Variants in SVIL observed in about 807,000 individuals in gnomAD.
SVIL encodes supervillin, also known as archvillin.
A neutral mutation model predicts 240.4 loss-of-function variants in SVIL; 101 were observed. The observed-to-expected ratio is 0.42, with a 90% CI of 0.36 to 0.50. The LOEUF is 0.50. SVIL is among the 20% of genes least tolerant of loss of function. SVIL has a pLI of 0.01. For missense variants in SVIL, 2,512 were observed against 2,818.7 expected, an observed-to-expected ratio of 0.89 and a Z score of 2.46; for synonymous variants, 999 against 1,100.0, an observed-to-expected ratio of 0.91 and a Z score of 1.82.
chr10:29,490,138 G>A (rs1947807781), intron 22 of SVIL, among the ~76,000 whole-genome samples: 1 of 151,938 alleles, frequency 6.6e-6, no homozygotes. Context: ...TCCATTCATC[G>A]CCCCTGCCAG....
At chr10:29,626,067 T>A (rs1957853061) in intron 1 of SVIL, among the ~76,000 whole-genome samples, 1 of 152,150 alleles carries the variant, frequency 6.6e-6, no homozygotes, top group Non-Finnish European at 1.5e-5. Flanking sequence ...AAGACATTGG[T>A]CAAAGGATGC....
At chr10:29,460,518 A>G (rs147239437) in intron 36 of SVIL, among the ~76,000 whole-genome samples, 53 of 152,312 alleles carry the variant, frequency 3.5e-4, no homozygotes, top group African/African-American at 1.1e-3. Flanking sequence ...TTTCTTTGGA[A>G]TAAACGTCGA....
intron 1 of SVIL, among the ~76,000 whole-genome samples, chr10:29,628,282 GTTTGT>G (rs931533673): frequency 1.3e-5 from 2 of 152,136 alleles, no homozygotes; most frequent in Admixed American, 6.5e-5. Context: ...GGAGCGGTTT[GTTTGT>G]TTTGGAGTAA....
At chr10:29,567,434 C>T (rs1166295892) in intron 2 of SVIL, among the ~76,000 whole-genome samples, 2 of 152,220 alleles carry the variant, frequency 1.3e-5, no homozygotes. Flanking sequence ...TCTCTTTTAG[C>T]TGGTGTCTGG....
chr10:29,645,946 G>A (rs1958640216), intron 3 of SVIL, among the ~76,000 whole-genome samples: 4 of 152,192 alleles, frequency 2.6e-5, no homozygotes, highest in Admixed American at 6.5e-5. Context: ...TTATTCAGGA[G>A]TTCTTCCAGG....
At position 29,708,349 on chromosome 10, in the gene SVIL, G is replaced by A. The variant is rs137990511; in HGVS notation, c.-399-21698C>T. 4.9e-4 allele frequency among the ~76,000 whole-genome samples: 74 copies of A among 151,678 alleles called. 1 individual carries two copies. In the East Asian group the frequency reaches 0.013, roughly 27 times the overall value. ...AAAACAAAAGATTTTGGCCACGTGC[G>A]TTAGCTCACGCCTGTAATCCCAGCA... On this transcript the variant is annotated intron_variant, in intron 1 of 35. Coordinates refer to the SVIL transcript ENST00000375400.
intron 17 of SVIL, among the ~76,000 whole-genome samples, chr10:29,506,484 C>T (rs1949284397): frequency 1.3e-5 from 2 of 152,114 alleles, no homozygotes; most frequent in South Asian, 4.1e-4. Context: ...TCCCTGTCAG[C>T]TTCGCATGTG....
chr10:29,498,110 A>AAG (rs1948598571), intron 18 of SVIL, among the ~76,000 whole-genome samples: 1 of 149,608 alleles, frequency 6.7e-6, no homozygotes, highest in Non-Finnish European at 1.5e-5. Flanking sequence ...AAAAAAAAAA[A>AAG]AAAAAAAGAA....
intron 1 of SVIL, among the ~76,000 whole-genome samples, chr10:29,715,883 C>T (rs931920915): frequency 2.6e-5 from 4 of 152,202 alleles, no homozygotes; most frequent in Admixed American, 2.6e-4. Context: ...AACCAATGGG[C>T]ACACATGGCT....
At chr10:29,642,405 AAG>A (rs1381464827) in intron 3 of SVIL, among the ~76,000 whole-genome samples, 1 of 146,790 alleles carries the variant, frequency 6.8e-6, no homozygotes, top group Non-Finnish European at 1.5e-5. Context: ...AACAGAAAGA[AAG>A]AGAGAGAGTG....
At position 29,533,020 on chromosome 10, in the gene SVIL, G is replaced by A. The variant is rs150826046; in HGVS notation, c.1347C>T (p.Leu449=). 5.5e-4 allele frequency: 880 copies of A among 1,613,886 alleles called. No individual in the cohort carries two copies. Among genetic ancestry groups the A allele is most frequent in the Non-Finnish European group, 7.2e-4 (850 of 1,180,014 alleles). Residue 449 remains leucine (L), a synonymous_variant, in exon 8 of 38, where the codon CTC becomes CTT. Transcript: ENST00000355867. ...KEEDVCFTEA[L]EQSKKTLLAL... is the part of the protein sequence containing the mutation. The stretch of plus-strand genomic sequence containing the variant: ...CCAGTAGGGTTTTCTTGCTTTGCTC[G>A]AGAGCTTCAGTGAAGCACACATCTT...
chr10:29,479,468 G>A (rs1016844225), intron 29 of SVIL, among the ~76,000 whole-genome samples: 1 of 152,168 alleles, frequency 6.6e-6, no homozygotes, highest in Non-Finnish European at 1.5e-5. Context: ...GGGGGCAGGG[G>A]GACCTCTGGG....
intron 4 of SVIL, 26 bp from the exon 5 acceptor site, chr10:29,554,960 A>G: frequency 1.9e-6 from 3 of 1,608,848 alleles, no homozygotes; most frequent in Non-Finnish European, 2.5e-6. Flanking sequence ...CAAGAGGCAG[A>G]GTGAGCAACA....
In SVIL at chr10:29,465,709, T is replaced by G; in HGVS notation, c.6019A>C (p.Ser2007Arg). 3.7e-6 allele frequency: 6 copies of G among 1,613,134 alleles called. No individual in the cohort carries two copies. Among genetic ancestry groups the G allele is most frequent in the Admixed American group, 1.7e-5 (1 of 60,012 alleles). Residue 2007 changes from serine to arginine, a missense_variant, in exon 34 of 38, where the codon AGC becomes CGC. By Grantham distance (110) the Ser-to-Arg change is moderately radical. Around this residue, in one of 3 missense-constraint regions of SVIL, gnomAD observed 797 missense variants for 925.3 expected, o/e 0.86. Coordinates refer to ENST00000355867, the MANE Select transcript of SVIL (RefSeq NM_021738.3). ...FNFAPRLFILSSSSGDFAATE... is the reference protein window; with the variant it reads ...FNFAPRLFILRSSSGDFAATE... ...GCTGCAAAATCCCCAGAGGAGCTGCTGAGGATGAACAGGCGGGGCGCGAAG... is the reference window on the plus strand; with the variant it reads ...GCTGCAAAATCCCCAGAGGAGCTGCGGAGGATGAACAGGCGGGGCGCGAAG...
chr10:29,569,160 C>T (rs1171139195), intron 2 of SVIL, 95 bp downstream of exon 2: 23 of 501,956 alleles, frequency 4.6e-5, no homozygotes, highest in Non-Finnish European at 5.7e-5. Flanking sequence ...TATTGCCAAA[C>T]ATTTAAACTC....
At chr10:29,676,309 T>G (rs531626947) in intron 2 of SVIL, among the ~76,000 whole-genome samples, 1 of 152,132 alleles carries the variant, frequency 6.6e-6, no homozygotes, top group African/African-American at 2.4e-5. Flanking sequence ...TTTGGTAACA[T>G]TACCTCTCAG....
Position 29,487,161 on chromosome 10 carries a change from A to C in SVIL, c.4485+2T>G, listed in dbSNP as rs1261311159. On this transcript the variant is annotated splice_donor_variant, in intron 24 of 37. Coordinates refer to ENST00000355867, the MANE Select transcript of SVIL (RefSeq NM_021738.3). LOFTEE classifies it high-confidence loss of function. ...AAGCATTTTTATTTTTCAGGTACCA[A>C]CCTTCGCCTTTTCTATGACGTTTGC... 1 of 1,613,876 alleles carries C rather than the reference A, an allele frequency of 6.2e-7. No individual in the cohort carries two copies. The highest frequency in any genetic ancestry group is 2.2e-5 in the East Asian group (1 of 44,868).
At chr10:29,719,453 T>C (rs1478521680) in intron 1 of SVIL, among the ~76,000 whole-genome samples, 2 of 152,250 alleles carry the variant, frequency 1.3e-5, no homozygotes, top group South Asian at 4.1e-4. Context: ...CCCCAGAAGA[T>C]AACATTGCAA....
intron 3 of SVIL, among the ~76,000 whole-genome samples, chr10:29,556,891 C>T (rs1482178382): frequency 6.6e-6 from 1 of 152,058 alleles, no homozygotes; most frequent in African/African-American, 2.4e-5. Context: ...ATTATTTAAA[C>T]CCCAAAGAGG....
Sources: gnomAD v4.1 joint callset for allele counts (sites outside exome capture counted in the v4.1 genomes callset) on GRCh38, gnomAD v4.1.1 for gene constraint, gnomAD v4.1.1 regional missense constraint, MANE v1.5 for transcripts, NCBI Gene and HGNC (gene_info 2026-07-23, HGNC 2026-07-21) for gene names.